The following PDE7B variants were observed in gnomAD, a reference collection of about 807,000 sequenced individuals.
The protein encoded by PDE7B is phosphodiesterase 7B.
PDE7B carries 29 observed loss-of-function variants against 56.2 expected under a neutral mutation model. The observed-to-expected ratio is 0.52, with a 90% CI of 0.38 to 0.70. The LOEUF (loss-of-function observed/expected upper bound fraction) is 0.70, where lower values mean the gene tolerates loss of function less well. PDE7B is among the 30% of genes least tolerant of loss of function. The pLI is 0.00. For missense variants in PDE7B, 490 were observed against 565.0 expected, an observed-to-expected ratio of 0.87 and a Z score of 1.35; for synonymous variants, 197 against 196.9, an observed-to-expected ratio of 1.00 and a Z score of 0.00.
At chr6:136,011,732 A>C (rs1775898019) in intron 2 of PDE7B, among the ~76,000 whole-genome samples, 1 of 152,176 alleles carries the variant, frequency 6.6e-6, no homozygotes, top group African/African-American at 2.4e-5. Flanking sequence ...TAACCTGATG[A>C]AACAGCTTCA....
chr6:135,885,059 T>C (rs913416754), intron 1 of PDE7B, among the ~76,000 whole-genome samples: 1 of 152,046 alleles, frequency 6.6e-6, no homozygotes, highest in African/African-American at 2.4e-5. Flanking sequence ...TGATTCAGGG[T>C]CTTCTGAAGC....
chr6:135,909,885 G>A (rs563961024), intron 1 of PDE7B, among the ~76,000 whole-genome samples: 3 of 152,184 alleles, frequency 2.0e-5, no homozygotes, highest in African/African-American at 4.8e-5. Context: ...GCAAACGCAG[G>A]TGTGATCTTG....
intron 1 of PDE7B, among the ~76,000 whole-genome samples, chr6:135,869,517 A>G (rs1200016232): frequency 6.6e-6 from 1 of 152,120 alleles, no homozygotes; most frequent in African/African-American, 2.4e-5. Context: ...GGGCCCTAGT[A>G]TGGTCTAGGG....
chr6:135,962,518 G>A (rs1208155689), intron 2 of PDE7B, among the ~76,000 whole-genome samples: 1 of 152,008 alleles, frequency 6.6e-6, no homozygotes, highest in African/African-American at 2.4e-5. Flanking sequence ...TTTTCCAAGT[G>A]TTCAATAAAA....
At position 136,023,204 on chromosome 6, in the gene PDE7B, C is replaced by T. The variant is rs551747492; in HGVS notation, c.82+75680C>T. Among the ~76,000 whole-genome samples the T allele has an allele frequency of 5.5e-4, 84 of 152,266 alleles. 4 individuals are homozygous for T. The South Asian group carries it at 0.017, about 32-fold the overall frequency. On this transcript the variant is annotated intron_variant, in intron 2 of 12. Coordinates refer to ENST00000308191, the MANE Select transcript of PDE7B (RefSeq NM_018945.4). ...CACTTATTCCTTAAGTGAGTATTTA[C>T]TGCACCAATGAATAACCTGCTCTGA...
intron 2 of PDE7B, among the ~76,000 whole-genome samples, chr6:136,091,873 T>C (rs773195055): frequency 8.5e-5 from 13 of 152,188 alleles, no homozygotes; most frequent in Non-Finnish European, 1.9e-4. Context: ...ATCTTGAATG[T>C]TTGAAGTAAA....
Position 136,052,624 on chromosome 6 carries a change from C to CG in PDE7B, c.83-56107_83-56106insG, listed in dbSNP as rs571515121. On this transcript the variant is annotated intron_variant, in intron 2 of 12. Transcript: ENST00000308191. The stretch of plus-strand genomic sequence containing the variant: ...GTATAAAGTTAGGGTACAGCCCCCC[C>CG]CCACCCACAGCATGCCGAACACATG... 5.4e-3 allele frequency among the ~76,000 whole-genome samples: 801 copies of CG among 148,820 alleles called. 9 individuals carry two copies. Among genetic ancestry groups the CG allele is most frequent in the African/African-American group, 0.017 (700 of 40,308 alleles).
intron 3 of PDE7B, among the ~76,000 whole-genome samples, chr6:136,129,127 C>T (rs1225981810): frequency 1.3e-5 from 2 of 152,222 alleles, no homozygotes; most frequent in African/African-American, 4.8e-5. Context: ...CATGTAGATT[C>T]ATTTCAATCT....
intron 2 of PDE7B, among the ~76,000 whole-genome samples, chr6:136,042,544 C>T (rs1279371889): frequency 6.6e-6 from 1 of 152,152 alleles, no homozygotes; most frequent in East Asian, 1.9e-4. Flanking sequence ...TAAATACACA[C>T]AAATCGCTCA....
Position 136,004,935 on chromosome 6 carries a change from G to C in PDE7B, c.82+57411G>C, listed in dbSNP as rs376336132. 1.2e-3 allele frequency among the ~76,000 whole-genome samples: 178 copies of C among 151,630 alleles called. 1 individual carries two copies. The highest frequency in any genetic ancestry group is 1.9e-3 in the Non-Finnish European group (131 of 67,840). ...AAAAGAACAAAGCTGGAGGCATCAC[G>C]CTACCTGACTTCAAACTATACTACA... On this transcript the variant is annotated intron_variant, in intron 2 of 12. Transcript: ENST00000308191.
intron 3 of PDE7B, among the ~76,000 whole-genome samples, chr6:136,116,395 T>G (rs1480645): frequency 0.81 from 123,878 of 152,226 alleles, 51,159 homozygotes; most frequent in African/African-American, 0.95. Flanking sequence ...AGGTGAACCG[T>G]ATAAAACACT....
intron 2 of PDE7B, among the ~76,000 whole-genome samples, chr6:136,056,924 C>A (rs1322906703): frequency 6.6e-6 from 1 of 152,154 alleles, no homozygotes; most frequent in Non-Finnish European, 1.5e-5. Flanking sequence ...CTAAGCCCCT[C>A]CCCTTTGGCC....
At chr6:135,913,393 CT>C (rs1428347245) in intron 1 of PDE7B, among the ~76,000 whole-genome samples, 1 of 152,106 alleles carries the variant, frequency 6.6e-6, no homozygotes, top group East Asian at 1.9e-4. Context: ...CCTGCTGGAC[CT>C]TTTGACCCAC....
chr6:136,141,284 G>T (rs1345577432), intron 3 of PDE7B, among the ~76,000 whole-genome samples: 1 of 152,152 alleles, frequency 6.6e-6, no homozygotes, highest in African/African-American at 2.4e-5. Context: ...ATTTGCGTAT[G>T]TTGAACCAGC....
chr6:136,188,340 G>T (rs1298917762), intron 12 of PDE7B, among the ~76,000 whole-genome samples: 1 of 151,966 alleles, frequency 6.6e-6, no homozygotes, highest in Non-Finnish European at 1.5e-5. Context: ...CCCAAAGCTG[G>T]GAGCTGGGGA....
At chr6:135,948,385 A>G (rs1329679357) in intron 2 of PDE7B, among the ~76,000 whole-genome samples, 1 of 152,022 alleles carries the variant, frequency 6.6e-6, no homozygotes, top group Non-Finnish European at 1.5e-5. Flanking sequence ...AACTATATTA[A>G]TAAGCAAAGA....
At chr6:136,139,773 G>C (rs1338573585) in intron 3 of PDE7B, among the ~76,000 whole-genome samples, 1 of 152,160 alleles carries the variant, frequency 6.6e-6, no homozygotes, top group Non-Finnish European at 1.5e-5. Context: ...GTCTTCTTTT[G>C]AGAAGTGTCT....
intron 2 of PDE7B, among the ~76,000 whole-genome samples, chr6:135,970,200 A>G (rs933986313): frequency 6.6e-6 from 1 of 152,190 alleles, no homozygotes; most frequent in Non-Finnish European, 1.5e-5. Context: ...AGGCAAACAC[A>G]TACTTAAATC....
At chr6:135,938,775 C>A (rs529914905) in intron 1 of PDE7B, among the ~76,000 whole-genome samples, 1 of 152,078 alleles carries the variant, frequency 6.6e-6, no homozygotes, top group Non-Finnish European at 1.5e-5. Context: ...TGCAGGGATA[C>A]GAGGAGATCT....
Sources: gnomAD v4.1 joint callset for allele counts (sites outside exome capture counted in the v4.1 genomes callset) on GRCh38, gnomAD v4.1.1 for gene constraint, MANE v1.5 for transcripts, NCBI Gene and HGNC (gene_info 2026-07-23, HGNC 2026-07-21) for gene names.